The following CAMSAP1 variants were observed in gnomAD, a reference collection of about 807,000 sequenced individuals.
CAMSAP1 encodes calmodulin-regulated spectrin-associated protein 1.
A neutral mutation model predicts 143.5 loss-of-function variants in CAMSAP1; 58 were observed. The ratio of observed to expected loss-of-function variants is 0.40; its 90% CI spans 0.33 to 0.50. The LOEUF (loss-of-function observed/expected upper bound fraction) is 0.50, where lower values mean the gene tolerates loss of function less well. Ranked by LOEUF, CAMSAP1 falls within the 20% of genes least tolerant of loss-of-function variation. CAMSAP1 has a pLI of 0.45. For synonymous variants in CAMSAP1, 945 were observed against 859.3 expected (o/e 1.10, Z -1.74); for missense variants, 1,969 against 2,115.7 (o/e 0.93, Z 1.36).
chr9:135,895,488 T>C (rs1387841565), intron 1 of CAMSAP1, among the ~76,000 whole-genome samples: 1 of 151,930 alleles, frequency 6.6e-6, no homozygotes, highest in Non-Finnish European at 1.5e-5. Flanking sequence ...AGCAAGACTA[T>C]CCTTAAAAAA....
At chr9:135,865,927 C>T (rs1362855356) in intron 4 of CAMSAP1, among the ~76,000 whole-genome samples, 1 of 152,312 alleles carries the variant, frequency 6.6e-6, no homozygotes, top group South Asian at 2.1e-4. Context: ...TTCAGTCACA[C>T]ATGTGCTTGC....
In CAMSAP1 at chr9:135,851,602, T is replaced by C. The variant is rs191082097; in HGVS notation, c.809-1141A>G. Among the ~76,000 whole-genome samples, 33 of 152,354 alleles carry C rather than the reference T, an allele frequency of 2.2e-4. No homozygotes were observed. The Middle Eastern group carries it at 0.01, about 47-fold the overall frequency. On this transcript the variant is annotated intron_variant, in intron 5 of 16. Transcript: ENST00000389532. Reference sequence around the variant, plus strand: ...AAACCCTTTCCACTCCTCCTGAGTATTCTACACACTGTCTGCATCCACAAG... The same window carrying C: ...AAACCCTTTCCACTCCTCCTGAGTACTCTACACACTGTCTGCATCCACAAG...
intron 1 of CAMSAP1, among the ~76,000 whole-genome samples, chr9:135,893,330 A>C (rs1206193146): frequency 6.6e-6 from 1 of 151,844 alleles, no homozygotes; most frequent in East Asian, 1.9e-4. Context: ...AGGAGAAAGG[A>C]AAAAACAAAA....
Position 135,821,924 on chromosome 9 carries a change from C to T in CAMSAP1, c.2737G>A (p.Ala913Thr), listed in dbSNP as rs758555979. 5.6e-6 allele frequency: 9 copies of T among 1,613,398 alleles called. No individual in the cohort carries two copies. The South Asian group carries it at 8.8e-5, about 16-fold the overall frequency. The stretch of plus-strand genomic sequence containing the variant: ...TTCTTCACCACATGCAGGAATGCAG[C>T]CTTGCCGAGCTTCAGGCGCTGCCTT... Reference protein sequence around the residue: ...SARQRLKLGKAAFLHVVKKGK... With the variant: ...SARQRLKLGKTAFLHVVKKGK... The change falls in exon 11 of 17, where the codon GCT becomes ACT. Residue 913 changes from alanine (A) to threonine (T), a missense_variant. Ala to Thr is a moderately conservative substitution (Grantham distance 58). Transcript: ENST00000389532. The surrounding 1 kb of genome is among the most constrained non-coding windows in gnomAD (Gnocchi z 4.6).
chr9:135,817,100 G>A (rs1835257442), intron 14 of CAMSAP1, among the ~76,000 whole-genome samples: 2 of 152,140 alleles, frequency 1.3e-5, no homozygotes, highest in Non-Finnish European at 2.9e-5. Context: ...TCAAGGTCCA[G>A]AAAAACACAG....
At chr9:135,843,103 G>C (rs1836419428) in intron 7 of CAMSAP1, among the ~76,000 whole-genome samples, 1 of 152,086 alleles carries the variant, frequency 6.6e-6, no homozygotes, top group African/African-American at 2.4e-5. Flanking sequence ...CGTGGCAGGT[G>C]AATTACCTGA....
At chr9:135,884,047 C>T (rs139705408) in intron 1 of CAMSAP1, among the ~76,000 whole-genome samples, 4 of 152,280 alleles carry the variant, frequency 2.6e-5, no homozygotes, top group East Asian at 1.9e-4. Flanking sequence ...CCACTAAAGA[C>T]GGAGGACGAG....
chr9:135,848,568 G>A (rs1277453501), intron 7 of CAMSAP1, among the ~76,000 whole-genome samples: 1 of 150,966 alleles, frequency 6.6e-6, no homozygotes, highest in Admixed American at 6.6e-5. Context: ...CACACCCCCT[G>A]GAAAACACAG....
Position 135,860,402 on chromosome 9 carries a change from G to A in CAMSAP1, c.808+2065C>T, listed in dbSNP as rs375623768. ...CACCTGAGGTCAGGAGTTCCAGACC[G>A]GCCTGGCCAACATGGTGAAACCCCA... On this transcript the variant is annotated intron_variant, in intron 5 of 16. Coordinates refer to ENST00000389532, the MANE Select transcript of CAMSAP1 (RefSeq NM_015447.4). 2.5e-4 allele frequency among the ~76,000 whole-genome samples: 38 copies of A among 151,890 alleles called. No individual in the cohort carries two copies. The Middle Eastern group carries it at 0.01, about 41-fold the overall frequency.
In CAMSAP1 at chr9:135,824,868, A is replaced by ATGCT; in HGVS notation, c.1235_1236insAGCA (p.Ala414CysfsTer27). 1 of 1,595,874 alleles carries ATGCT rather than the reference A, an allele frequency of 6.3e-7. No homozygotes were observed. On this transcript the variant is annotated frameshift_variant, in exon 9 of 17. Coordinates refer to ENST00000389532, the MANE Select transcript of CAMSAP1 (RefSeq NM_015447.4). LOFTEE classifies it high-confidence loss of function. This position sits in a 1 kb window ranked among gnomAD's most constrained non-coding sequence, Gnocchi z 4.1. ...AAGGATGGGATGGGCTGAAGGCAGC[A>ATGCT]GTTCCTTTCCCGCTAAATGGAAAAA...
chr9:135,858,617 G>A (rs1837062499), intron 5 of CAMSAP1, among the ~76,000 whole-genome samples: 1 of 152,246 alleles, frequency 6.6e-6, no homozygotes, highest in Admixed American at 6.5e-5. Flanking sequence ...TACGAGAAGG[G>A]ATTTAATCAG....
At chr9:135,879,489 A>C (rs10124172) in intron 3 of CAMSAP1, among the ~76,000 whole-genome samples, 26,757 of 152,020 alleles carry the variant, frequency 0.18, 2,705 homozygotes, top group East Asian at 0.37. Context: ...CAGAATCTGC[A>C]ATTTTACCCA....
intron 3 of CAMSAP1, among the ~76,000 whole-genome samples, chr9:135,873,327 C>T (rs963240332): frequency 5.9e-5 from 9 of 152,008 alleles, no homozygotes; most frequent in African/African-American, 1.4e-4. Flanking sequence ...GCTGAAGTGC[C>T]GCTTAGAGAG....
chr9:135,891,084 G>A (rs926227337), intron 1 of CAMSAP1, among the ~76,000 whole-genome samples: 4 of 152,182 alleles, frequency 2.6e-5, no homozygotes, highest in African/African-American at 7.2e-5. Flanking sequence ...CTGGACCTGA[G>A]GGCAGCCCCA....
intron 7 of CAMSAP1, among the ~76,000 whole-genome samples, chr9:135,834,480 G>A (rs1285338160): frequency 1.3e-5 from 2 of 152,150 alleles, no homozygotes; most frequent in African/African-American, 4.8e-5. Context: ...CAAAAAAGAA[G>A]GAAGTCTTGT....
At chr9:135,871,464 A>T (rs1837568176) in intron 3 of CAMSAP1, among the ~76,000 whole-genome samples, 1 of 152,222 alleles carries the variant, frequency 6.6e-6, no homozygotes, top group African/African-American at 2.4e-5. Flanking sequence ...CTGAGATTCC[A>T]GATGTGAGCC....
Position 135,821,388 on chromosome 9 carries a change from G to C in CAMSAP1, c.3273C>G (p.Pro1091=). 2 of 1,613,866 alleles carry C rather than the reference G, an allele frequency of 1.2e-6. No homozygotes were observed. The highest frequency in any genetic ancestry group is 1.7e-6 in the Non-Finnish European group (2 of 1,179,816). ...PTGVAGHRKA[P]RLGQGRNSRS... ...GGGAATTCCGGCCTTGACCCAGCCG[G>C]GGGGCTTTGCGGTGGCCAGCCACGC... Residue 1091 remains proline, a synonymous_variant, in exon 11 of 17, where the codon CCC becomes CCG. Transcript: ENST00000389532. The surrounding 1 kb of genome is among the most constrained non-coding windows in gnomAD (Gnocchi z 4.6).
chr9:135,811,570 A>C lies in CAMSAP1; in HGVS notation c.4548T>G (p.Phe1516Leu), dbSNP rs1356054528. Residue 1516 changes from phenylalanine (F) to leucine (L), a missense_variant, in exon 17 of 17, where the codon TTT (phenylalanine) becomes TTG (leucine). This residue lies in a region of CAMSAP1 where 143 missense variants were observed against 200.6 expected (regional missense o/e 0.71). Transcript: ENST00000389532. This position sits in a 1 kb window ranked among gnomAD's most constrained non-coding sequence, Gnocchi z 4.9. ...KCDANHYIIL[F>L]RDAGCQFRAL... ...CCCTGAACTGGCAGCCAGCATCACG[A>C]AACAGTATGATGTAGTGATTGGCAT... The C allele has an allele frequency of 1.9e-6, 3 of 1,599,846 alleles. No homozygotes were observed. Among genetic ancestry groups the C allele is most frequent in the East Asian group, 2.3e-5 (1 of 44,424 alleles).
chr9:135,875,600 C>A (rs1036905560), intron 3 of CAMSAP1, among the ~76,000 whole-genome samples: 1 of 152,286 alleles, frequency 6.6e-6, no homozygotes, highest in Admixed American at 6.5e-5. Context: ...ACACAAAGAT[C>A]GGTGGAACCG....
Sources: gnomAD v4.1 joint callset for allele counts (sites outside exome capture counted in the v4.1 genomes callset) on GRCh38, gnomAD v4.1.1 for gene constraint, gnomAD v4.1.1 regional missense constraint, Gnocchi (gnomAD v3.1) non-coding constraint, MANE v1.5 for transcripts, NCBI Gene and HGNC (gene_info 2026-07-23, HGNC 2026-07-21) for gene names.